Variants in RSRP1 observed in about 807,000 individuals in gnomAD.
The protein encoded by RSRP1 is arginine and serine rich protein 1, also known as arginine/serine-rich protein 1.
RSRP1 carries 37 observed loss-of-function variants against 33.0 expected under a neutral mutation model. The ratio of observed to expected loss-of-function variants is 1.12; its 90% CI spans 0.86 to 1.48. The LOEUF is 1.48. Ranked by LOEUF, RSRP1 falls within the 40% of genes most tolerant of loss-of-function variation. The pLI, the probability that RSRP1 is intolerant of heterozygous loss-of-function variation, is 0.00. For synonymous variants in RSRP1, 167 were observed against 158.7 expected (o/e 1.05, Z -0.40); for missense variants, 402 against 385.3 (o/e 1.04, Z -0.36).
At chr1:25,286,827 T>C (rs1411489655) in intron 1 of RSRP1, among the ~76,000 whole-genome samples, 7 of 132,084 alleles carry the variant, frequency 5.3e-5, no homozygotes, top group African/African-American at 1.9e-4. Flanking sequence ...GGCGCGGTGG[T>C]TCATGCCTGT....
Position 25,279,382 on chromosome 1 carries a change from C to T in RSRP1, c.-66-32353G>A, listed in dbSNP as rs1362368043. Among the ~76,000 whole-genome samples the T allele has an allele frequency of 2.2e-4, 26 of 119,718 alleles. 5 individuals are homozygous for T. The highest frequency in any genetic ancestry group is 3.5e-4 in the Non-Finnish European group (18 of 51,116). The allele number at this position is 119,718 out of a possible 152,430, so 78.5% of individuals were successfully genotyped here. ...AGGAAGCTGGGACACAGAGGAAGAG[C>T]CAGGCTCTGAACACTGACAACCTGA... On this transcript the variant is annotated intron_variant, in intron 1 of 1. Transcript: ENST00000561867.
rs1234457918 is a variant in RSRP1, at chr1:25,244,503, AAG to A, written c.672+645_672+646del. 8 of 1,289,176 alleles carry A rather than the reference AAG, an allele frequency of 6.2e-6. No individual in the cohort carries two copies. In the East Asian group the frequency reaches 4.4e-4, roughly 71 times the overall value. 79.9% of individuals were successfully genotyped at this position (1,289,176 alleles called of 1,614,324 possible). A position where few individuals can be genotyped will look rare whatever the true frequency, so the allele number is the denominator to read the frequency against. On this transcript the variant is annotated intron_variant, in intron 3 of 4. Transcript: ENST00000243189. ...TGCAGACCACATTCATGATTTCTAT[AAG>A]ACAGAAATAGAGCAGATAAACTATA...
At chr1:25,276,218 A>G (rs28397668) in intron 1 of RSRP1, among the ~76,000 whole-genome samples, 6,843 of 130,158 alleles carry the variant, frequency 0.053, 1,258 homozygotes, top group African/African-American at 0.17. Context: ...TTAAGTCTCC[A>G]TCTGTTAGAG....
In RSRP1 at chr1:25,291,429, A is replaced by G. The variant is rs770153396; in HGVS notation, c.-66-44400T>C. Among the ~76,000 whole-genome samples the G allele has an allele frequency of 1.7e-4, 22 of 132,204 alleles. 5 individuals are homozygous for G. The highest frequency in any genetic ancestry group is 3.8e-4 in the Non-Finnish European group (21 of 55,690). The allele number at this position is 132,204 out of a possible 152,430, so 86.7% of individuals were successfully genotyped here. On this transcript the variant is annotated intron_variant, in intron 1 of 1. Coordinates refer to the RSRP1 transcript ENST00000561867. ...GGTTGCAGTGAACCGAGATCGCGCCATTGCACTGCAGCCTGGGGGACAAGA... is the reference window on the plus strand; with the variant it reads ...GGTTGCAGTGAACCGAGATCGCGCCGTTGCACTGCAGCCTGGGGGACAAGA...
chr1:25,287,237 T>C (rs1642104926), intron 1 of RSRP1, among the ~76,000 whole-genome samples: 1 of 135,554 alleles, frequency 7.4e-6, no homozygotes, highest in African/African-American at 2.5e-5. Flanking sequence ...GTGGTGGCCC[T>C]GGTTTGGTGT....
At chr1:25,248,271 G>A (rs1401954777), upstream of RSRP1, 1 of 151,986 alleles carries the variant, frequency 6.6e-6, no homozygotes, top group Non-Finnish European at 1.5e-5. Context: ...TACTTCTAGG[G>A]ATCTACAAAT....
chr1:25,278,889 G>A lies in RSRP1; in HGVS notation c.-66-31860C>T, dbSNP rs543305810. ...CGCCGGTAGAGTAGAGGCTGTGGGCGAGGAGGTGGCGGCCTCCTGAGGCTG... is the reference window on the plus strand; with the variant it reads ...CGCCGGTAGAGTAGAGGCTGTGGGCAAGGAGGTGGCGGCCTCCTGAGGCTG... On this transcript the variant is annotated intron_variant, in intron 1 of 1. Coordinates refer to the RSRP1 transcript ENST00000561867. 6.2e-3 allele frequency among the ~76,000 whole-genome samples: 796 copies of A among 128,870 alleles called. 121 individuals carry two copies. Among genetic ancestry groups the A allele is most frequent in the African/African-American group, 0.019 (703 of 37,524 alleles). The allele number at this position is 128,870 out of a possible 152,430, so 84.5% of individuals were successfully genotyped here.
intron 1 of RSRP1, among the ~76,000 whole-genome samples, chr1:25,281,687 GA>G: frequency 7.6e-6 from 1 of 131,228 alleles, no homozygotes; most frequent in South Asian, 2.3e-4. Context: ...GCAGGAGATA[GA>G]AACATTCCCT....
At chr1:25,264,579 T>A (rs557297185) in intron 1 of RSRP1, among the ~76,000 whole-genome samples, 69 of 151,748 alleles carry the variant, frequency 4.5e-4, no homozygotes, top group African/African-American at 1.5e-3. Flanking sequence ...CATTTTTTCC[T>A]GATACCTCTG....
upstream of RSRP1, among the ~76,000 whole-genome samples, chr1:25,249,308 A>C (rs1284250174): frequency 1.3e-5 from 2 of 152,178 alleles, no homozygotes; most frequent in East Asian, 3.8e-4. Context: ...AGTATCAGTC[A>C]ATGTGTGCCT....
rs1327164565 is a variant in RSRP1 at position 25,245,170 on chromosome 1, T to A, written c.652A>T (p.Ser218Cys). 3.1e-6 allele frequency: 5 copies of A among 1,614,232 alleles called. No individual in the cohort carries two copies. The highest frequency in any genetic ancestry group is 4.2e-6 in the Non-Finnish European group (5 of 1,180,046). Reference protein sequence around the residue: ...KETSRGIGVSSNGAKPELSEK... With the variant: ...KETSRGIGVSCNGAKPELSEK... ...CTTACTTCAGGCTTTGCACCATTAC[T>A]TGATACACCTATTCCACGGCTTGTT... The change falls in exon 3 of 5, where the codon AGT becomes TGT. Residue 218 changes from serine to cysteine, a missense_variant. Coordinates refer to ENST00000243189, the MANE Select transcript of RSRP1 (RefSeq NM_020317.5).
At chr1:25,272,782 T>C in intron 1 of RSRP1, 1 of 1,325,288 alleles carries the variant, frequency 7.5e-7, no homozygotes, top group South Asian at 1.2e-5. Context: ...GGCACAGATG[T>C]TCCTTTCTAC....
intron 2 of RSRP1, chr1:25,245,970 G>T (rs1054148250): frequency 1.3e-5 from 2 of 158,780 alleles, no homozygotes; most frequent in African/African-American, 4.8e-5. Flanking sequence ...GGTATGGAAC[G>T]CCTGGCCTCA....
chr1:25,330,086 C>T (rs976533887), intron 1 of RSRP1: 2 of 132,658 alleles, frequency 1.5e-5, no homozygotes, highest in Non-Finnish European at 1.8e-5. Flanking sequence ...AGACGGACAG[C>T]GTGTGGCAGT....
chr1:25,311,160 A>G (rs541129224), intron 1 of RSRP1, among the ~76,000 whole-genome samples: 8 of 132,078 alleles, frequency 6.1e-5, no homozygotes, highest in East Asian at 5.9e-4. Context: ...GGTCTCAGAT[A>G]GAACTGAAGA....
rs1169718981 is a variant in RSRP1 at position 25,246,981 on chromosome 1, G to A, written c.-18C>T. The A allele has an allele frequency of 1.3e-6, 2 of 1,539,018 alleles. No individual in the cohort carries two copies. The highest frequency in any genetic ancestry group is 1.2e-5 in the South Asian group (1 of 82,810). Reference sequence around the variant, plus strand: ...TTGGACATCTTCACCTGCGGCTTTAGCCTGCGCTTTCTCCGGAAAGGATCC... The same window carrying A: ...TTGGACATCTTCACCTGCGGCTTTAACCTGCGCTTTCTCCGGAAAGGATCC... On this transcript the variant is annotated 5_prime_UTR_variant, in exon 2 of 5. Transcript: ENST00000243189.
upstream of RSRP1, among the ~76,000 whole-genome samples, chr1:25,248,914 C>T (rs1048530665): frequency 6.6e-6 from 1 of 152,064 alleles, no homozygotes; most frequent in East Asian, 1.9e-4. Context: ...TTTGGGAGGC[C>T]GAAGCGGGAA....
Position 25,310,273 on chromosome 1 carries a change from GAAGT to G in RSRP1, c.-67+27701_-67+27704del, listed in dbSNP as rs1392412945. On this transcript the variant is annotated intron_variant, in intron 1 of 1. Transcript: ENST00000561867. ...TGGTTTTTGGAGGAAGGGCCTTTGG[GAAGT>G]AATTAGGATTAGATAAGGTCATGGG... Among the ~76,000 whole-genome samples, 92 of 133,352 alleles carry G rather than the reference GAAGT, an allele frequency of 6.9e-4. 6 individuals carry two copies. Among genetic ancestry groups the G allele is most frequent in the African/African-American group, 2.2e-3 (87 of 39,524 alleles). The allele number at this position is 133,352 out of a possible 152,430, so 87.5% of individuals were successfully genotyped here. A position where few individuals can be genotyped will look rare whatever the true frequency, so the allele number is the denominator to read the frequency against.
In RSRP1 at chr1:25,279,724, C is replaced by T. The variant is rs536776647; in HGVS notation, c.-66-32695G>A. Among the ~76,000 whole-genome samples the T allele has an allele frequency of 1.1e-4, 14 of 125,126 alleles. No individual in the cohort carries two copies. In the East Asian group the frequency reaches 2.8e-3, roughly 25 times the overall value. 82.1% of individuals were successfully genotyped at this position (125,126 alleles called of 152,430 possible). On this transcript the variant is annotated intron_variant, in intron 1 of 1. Transcript: ENST00000561867. ...CAATGGTGAGTATTGCCTTATCTCT[C>T]GCTGCTGAACTACCAGGTTAGACTT...
Sources: gnomAD v4.1 joint callset for allele counts (sites outside exome capture counted in the v4.1 genomes callset) on GRCh38, gnomAD v4.1.1 for gene constraint, MANE v1.5 for transcripts, NCBI Gene and HGNC (gene_info 2026-07-23, HGNC 2026-07-21) for gene names.